The following DYM variants were observed in gnomAD, a reference collection of about 807,000 sequenced individuals.
DYM encodes dymeclin, also known as dyggve-Melchior-Clausen syndrome protein.
In DYM, 78 loss-of-function variants were observed where a neutral mutation model predicts 93.1. That is an observed-to-expected ratio of 0.84 (90% CI 0.70 to 1.01). The LOEUF is 1.01. Among genes scored for constraint, DYM ranks in the 50% least tolerant of loss-of-function variants. The pLI is 0.00. For missense variants in DYM, 789 were observed against 845.0 expected (o/e 0.93, Z 0.82); for synonymous variants, 321 against 319.7 (o/e 1.00, Z -0.04).
At chr18:49,208,585 T>C (rs1206560225) in intron 14 of DYM, 2 of 152,214 alleles carry the variant, frequency 1.3e-5, no homozygotes, top group African/African-American at 4.8e-5. Flanking sequence ...ACTGCTTTCC[T>C]TTCCTAGCAA....
chr18:49,369,996 G>A lies in DYM; in HGVS notation c.422-6763C>T, dbSNP rs191571474. 5.7e-4 allele frequency among the ~76,000 whole-genome samples: 87 copies of A among 152,336 alleles called. 1 individual carries two copies. The highest frequency in any genetic ancestry group is 1.8e-3 in the Admixed American group (28 of 15,310). On this transcript the variant is annotated intron_variant, in intron 5 of 17. Transcript: ENST00000675505. ...TAATCTCTTTCAAAACAGGAATAAC[G>A]CTGGGCGCAGTGGCTCACGCCTATA...
intron 10 of DYM, among the ~76,000 whole-genome samples, chr18:49,281,121 C>A (rs2094962286): frequency 6.6e-6 from 1 of 152,198 alleles, no homozygotes; most frequent in Non-Finnish European, 1.5e-5. Flanking sequence ...AAACAAACAA[C>A]CCCATCAAAA....
At chr18:49,052,261 C>T (rs1006821893) in intron 17 of DYM, among the ~76,000 whole-genome samples, 9 of 152,128 alleles carry the variant, frequency 5.9e-5, no homozygotes, top group South Asian at 2.1e-4. Flanking sequence ...TGGGTAGGCC[C>T]GAGCTGAATT....
intron 5 of DYM, chr18:49,368,657 AAG>A (rs971698136): frequency 2.0e-5 from 3 of 152,158 alleles, no homozygotes; most frequent in Non-Finnish European, 2.9e-5. Context: ...CAGCAGAGAA[AAG>A]AGAGCAGAGA....
intron 15 of DYM, among the ~76,000 whole-genome samples, chr18:49,144,955 T>C (rs1015023834): frequency 2.7e-5 from 4 of 150,452 alleles, no homozygotes; most frequent in Admixed American, 6.6e-5. Flanking sequence ...AAAAACTTAG[T>C]TGAGCGTGGT....
At chr18:49,350,579 G>A (rs144852397) in intron 6 of DYM, among the ~76,000 whole-genome samples, 13 of 151,916 alleles carry the variant, frequency 8.6e-5, no homozygotes, top group African/African-American at 7.3e-5. Context: ...GGTGGCGGGC[G>A]CCTGTAATTC....
intron 6 of DYM, among the ~76,000 whole-genome samples, chr18:49,360,949 C>T (rs2065963025): frequency 6.6e-6 from 1 of 152,214 alleles, no homozygotes; most frequent in Non-Finnish European, 1.5e-5. Context: ...GCATTGCCTC[C>T]ACATTCCAGG....
intron 2 of DYM, among the ~76,000 whole-genome samples, chr18:49,408,873 A>T (rs138718096): frequency 6.6e-6 from 1 of 152,124 alleles, no homozygotes; most frequent in Non-Finnish European, 1.5e-5. Context: ...TATAACCTCT[A>T]TGGACTTAAA....
chr18:49,198,101 G>A (rs530066509), intron 14 of DYM, among the ~76,000 whole-genome samples: 1 of 152,230 alleles, frequency 6.6e-6, no homozygotes, highest in Admixed American at 6.5e-5. Context: ...TCTGATCTTT[G>A]ACAAACCTGA....
intron 5 of DYM, among the ~76,000 whole-genome samples, chr18:49,365,066 G>A (rs887007147): frequency 2.6e-5 from 4 of 152,118 alleles, no homozygotes; most frequent in Admixed American, 2.6e-4. Context: ...CTTGCACATA[G>A]TATGTACTCA....
chr18:49,289,892 A>G (rs1022370174), intron 8 of DYM, among the ~76,000 whole-genome samples: 7 of 150,604 alleles, frequency 4.6e-5, no homozygotes, highest in Non-Finnish European at 1.0e-4. Flanking sequence ...TGATGAGATG[A>G]CCCATGAGAC....
Position 49,340,201 on chromosome 18 carries a change from C to G in DYM, c.495-6348G>C, listed in dbSNP as rs535404122. Reference sequence around the variant, plus strand: ...TCTCCTGATCTCGTGATCCGCCCGCCTCGGCCTACCAAAGTGCTGGGATTA... The same window carrying G: ...TCTCCTGATCTCGTGATCCGCCCGCGTCGGCCTACCAAAGTGCTGGGATTA... On this transcript the variant is annotated intron_variant, in intron 6 of 17. Transcript: ENST00000675505. Among the ~76,000 whole-genome samples, 4 of 152,204 alleles carry G rather than the reference C, an allele frequency of 2.6e-5. No individual in the cohort carries two copies. The South Asian group carries it at 8.3e-4, about 32-fold the overall frequency.
chr18:49,125,123 G>C (rs890974564), intron 15 of DYM, among the ~76,000 whole-genome samples: 1 of 152,100 alleles, frequency 6.6e-6, no homozygotes, highest in Non-Finnish European at 1.5e-5. Flanking sequence ...AGCTGGGTGT[G>C]GTGGCACACA....
chr18:49,044,147 T>TA lies in DYM; in HGVS notation c.2082dup (p.Ile695TyrfsTer68). The TA allele has an allele frequency of 1.2e-6, 2 of 1,614,160 alleles. No individual in the cohort carries two copies. The highest frequency in any genetic ancestry group is 1.7e-6 in the Non-Finnish European group (2 of 1,180,012). On this transcript the variant is annotated frameshift_variant, in exon 18 of 18. Coordinates refer to ENST00000675505, the MANE Select transcript of DYM (RefSeq NM_001353214.3). LOFTEE classifies it high-confidence loss of function. ...TAGACAAGAGACCAGACATAGGGGA[T>TA]AAAAAACTCCTCGGGCTGCTCCTCT...
chr18:49,084,346 C>A (rs575803163), intron 17 of DYM, among the ~76,000 whole-genome samples: 261 of 152,232 alleles, frequency 1.7e-3, no homozygotes, highest in African/African-American at 6.0e-3. Context: ...TCAATCCTTT[C>A]AAATCTGAGA....
chr18:49,428,371 G>C (rs972739847), intron 2 of DYM, among the ~76,000 whole-genome samples: 6 of 152,084 alleles, frequency 3.9e-5, no homozygotes, highest in Non-Finnish European at 8.8e-5. Context: ...ACGTCTAGAA[G>C]AGGCAAAGTT....
chr18:49,286,326 G>T, intron 9 of DYM, 108 bp downstream of exon 9: 1 of 1,309,744 alleles, frequency 7.6e-7, no homozygotes. Flanking sequence ...TGACCAATAT[G>T]AAAACATACA....
Position 49,037,757 on chromosome 18 carries a change from TTTGTAAATAATTAGTC to T in DYM, c.*6282_*6297del, listed in dbSNP as rs2070758182. Among the ~76,000 whole-genome samples the T allele has an allele frequency of 6.6e-6, 1 of 152,222 alleles. No individual in the cohort carries two copies. Among genetic ancestry groups the T allele is most frequent in the South Asian group, 2.1e-4 (1 of 4,834 alleles). On this transcript the variant is annotated 3_prime_UTR_variant, in exon 18 of 18. Transcript: ENST00000675505. ...AATATGAGGATTATAAAATTATCTTTTTGTAAATAATTAGTCTTGATTCTATTATGGTCAGAGAACA... is the reference window on the plus strand; with the variant it reads ...AATATGAGGATTATAAAATTATCTTTTTGATTCTATTATGGTCAGAGAACA...
At chr18:49,209,984 G>A (rs995365509) in intron 13 of DYM, among the ~76,000 whole-genome samples, 7 of 152,114 alleles carry the variant, frequency 4.6e-5, no homozygotes, top group Admixed American at 2.0e-4. Flanking sequence ...ACATCACTAG[G>A]AAAATGCAAA....
Sources: allele counts gnomAD v4.1 joint callset (sites outside exome capture counted in the v4.1 genomes callset), GRCh38; gene constraint gnomAD v4.1.1; transcripts MANE v1.5; gene names NCBI Gene and HGNC (gene_info 2026-07-23, HGNC 2026-07-21).